The following INPP5B variants were observed in gnomAD, a reference collection of about 807,000 sequenced individuals.
INPP5B encodes inositol polyphosphate-5-phosphatase B.
A neutral mutation model predicts 118.5 loss-of-function variants in INPP5B; 90 were observed. The observed-to-expected ratio is 0.76, with a 90% CI of 0.64 to 0.90. INPP5B has a LOEUF of 0.90. Ranked by LOEUF, INPP5B falls within the 40% of genes least tolerant of loss-of-function variation. INPP5B has a pLI of 0.00. For synonymous variants in INPP5B, 385 were observed against 418.9 expected, an observed-to-expected ratio of 0.92 and a Z score of 0.99; for missense variants, 984 against 1,125.6, an observed-to-expected ratio of 0.87 and a Z score of 1.80.
At chr1:37,895,685 G>A (rs1161846872) in intron 7 of INPP5B, among the ~76,000 whole-genome samples, 2 of 152,206 alleles carry the variant, frequency 1.3e-5, no homozygotes, top group South Asian at 2.1e-4. Flanking sequence ...ACTGGTTTTC[G>A]TATTTTTTTG....
In INPP5B at chr1:37,862,342, A is replaced by G. The variant is rs549738060; in HGVS notation, c.2715T>C (p.Ile905=). 1.2e-6 allele frequency: 2 copies of G among 1,613,902 alleles called. No individual in the cohort carries two copies. The highest frequency in any genetic ancestry group is 2.7e-5 in the African/African-American group (2 of 75,050). ...MTEKKKAQEF[I]HQFLCNPL is the part of the protein sequence containing the mutation. ...AGAGTGGGTTGCAGAGGAACTGGTG[A>G]ATAAATTCTTGAGCCTTCTTCTTCT... Residue 905 remains isoleucine (I), a synonymous_variant, in exon 24 of 24, where the codon ATT becomes ATC. Transcript: ENST00000373024.
Position 37,943,687 on chromosome 1 carries a change from A to G in INPP5B, c.251-18T>C, listed in dbSNP as rs375512550. ...TGGGGACACTGTGGGGAGGGAAATG[A>G]GAATGCCCTTAGCAATTGAGCTTAC... On this transcript the variant is annotated intron_variant, in intron 4 of 23. Transcript: ENST00000373024. The G allele has an allele frequency of 3.1e-6, 5 of 1,614,022 alleles. No homozygotes were observed. The South Asian group carries it at 5.5e-5, about 18-fold the overall frequency.
intron 7 of INPP5B, among the ~76,000 whole-genome samples, chr1:37,925,111 C>T (rs1460343202): frequency 6.6e-6 from 1 of 151,998 alleles, no homozygotes; most frequent in African/African-American, 2.4e-5. Context: ...GAGGTGGAGG[C>T]TGCAGTGAGC....
intron 5 of INPP5B, among the ~76,000 whole-genome samples, chr1:37,942,833 T>C (rs1393991766): frequency 6.9e-6 from 1 of 144,696 alleles, no homozygotes; most frequent in East Asian, 2.2e-4. Context: ...CACTTGAACC[T>C]GGGAGGCGGA....
intron 6 of INPP5B, among the ~76,000 whole-genome samples, chr1:37,938,326 A>T (rs545780058): frequency 9.2e-4 from 139 of 151,646 alleles, no homozygotes; most frequent in African/African-American, 3.0e-3. Flanking sequence ...AATTTAAAAA[A>T]TTTTTTTAAA....
At chr1:37,876,683 C>A (rs971774327) in intron 16 of INPP5B, among the ~76,000 whole-genome samples, 1 of 143,036 alleles carries the variant, frequency 7.0e-6, no homozygotes, top group Admixed American at 7.1e-5. Context: ...CACGGTGAAA[C>A]CCCGTCTCTA....
chr1:37,927,105 G>C (rs987533703), intron 7 of INPP5B, among the ~76,000 whole-genome samples: 3 of 152,166 alleles, frequency 2.0e-5, no homozygotes, highest in African/African-American at 7.2e-5. Flanking sequence ...TGGCCAACAA[G>C]GTGAAACACC....
intron 7 of INPP5B, among the ~76,000 whole-genome samples, chr1:37,903,905 TA>T (rs552323559): frequency 8.6e-4 from 131 of 152,308 alleles, no homozygotes; most frequent in Non-Finnish European, 1.7e-3. Context: ...TTAAATAAAA[TA>T]TTTTTTGTCA....
At chr1:37,878,403 G>A in intron 15 of INPP5B, 80 bp from the exon 16 acceptor site, 2 of 1,570,396 alleles carry the variant, frequency 1.3e-6, no homozygotes, top group African/African-American at 1.3e-5. Context: ...GCTCAGGTGG[G>A]GAGTGATGAA....
chr1:37,921,878 G>A (rs1388962382), intron 7 of INPP5B, among the ~76,000 whole-genome samples: 3 of 151,898 alleles, frequency 2.0e-5, no homozygotes, highest in Admixed American at 2.0e-4. Flanking sequence ...GTGGTGGCGG[G>A]CACCTGTAAC....
At chr1:37,929,637 T>C (rs772615228) in intron 7 of INPP5B, 1 of 152,078 alleles carries the variant, frequency 6.6e-6, no homozygotes, top group Non-Finnish European at 1.5e-5. Flanking sequence ...ATGACCCAAA[T>C]AGAACTGAGG....
chr1:37,873,224 GA>G (rs1642578347), intron 18 of INPP5B, 59 bp from the exon 19 acceptor site: 1 of 1,210,400 alleles, frequency 8.3e-7, no homozygotes, highest in South Asian at 1.2e-5. Context: ...AAAGGGGAAA[GA>G]AGGCAGGAGG....
In INPP5B at chr1:37,866,385, T is replaced by TTCTCTCTC. The variant is rs57019964; in HGVS notation, c.2386+66_2386+73dup. ...CTTTTTCTCACCCCTCTCACTCATA[T>TTCTCTCTC]TCTCTCTCTCTCTCTCTCTCTCACA... On this transcript the variant is annotated intron_variant, in intron 21 of 23. Coordinates refer to ENST00000373024, the MANE Select transcript of INPP5B (RefSeq NM_005540.3). 28,409 of 599,248 alleles carry TTCTCTCTC rather than the reference T, an allele frequency of 0.047. 448 individuals carry two copies. The highest frequency in any genetic ancestry group is 0.11 in the Middle Eastern group (394 of 3,536). The allele number at this position is 599,248 out of a possible 1,614,324, so 37.1% of individuals were successfully genotyped here.
At chr1:37,937,251 C>A (rs1645732320) in intron 6 of INPP5B, among the ~76,000 whole-genome samples, 1 of 151,900 alleles carries the variant, frequency 6.6e-6, no homozygotes, top group Non-Finnish European at 1.5e-5. Context: ...GCGGAGGTTG[C>A]AGTGAGCCAA....
intron 7 of INPP5B, among the ~76,000 whole-genome samples, chr1:37,925,094 A>C (rs1039841509): frequency 2.6e-5 from 4 of 152,174 alleles, no homozygotes; most frequent in Non-Finnish European, 4.4e-5. Context: ...GAACTGCTTA[A>C]ACCCAGGAGG....
At chr1:37,916,511 G>A (rs1027427487) in intron 7 of INPP5B, among the ~76,000 whole-genome samples, 5 of 151,344 alleles carry the variant, frequency 3.3e-5, no homozygotes, top group African/African-American at 9.7e-5. Flanking sequence ...CTGCCTCCCC[G>A]GTTCAAGCGA....
chr1:37,935,830 G>C (rs1452540485), intron 6 of INPP5B, among the ~76,000 whole-genome samples: 1 of 152,022 alleles, frequency 6.6e-6, no homozygotes, highest in Non-Finnish European at 1.5e-5. Flanking sequence ...ACTTTGGAAG[G>C]CCAAGGCGGG....
intron 7 of INPP5B, among the ~76,000 whole-genome samples, chr1:37,916,831 CTTCA>C (rs1412727437): frequency 6.6e-6 from 1 of 152,120 alleles, no homozygotes; most frequent in African/African-American, 2.4e-5. Context: ...AACATTATTT[CTTCA>C]TTCAATTGCT....
chr1:37,895,141 C>G (rs866269334), intron 7 of INPP5B, among the ~76,000 whole-genome samples: 1 of 152,030 alleles, frequency 6.6e-6, no homozygotes, highest in South Asian at 2.1e-4. Flanking sequence ...GTTAGAATGA[C>G]TGAAATTTAA....
Sources: allele counts gnomAD v4.1 joint callset (sites outside exome capture counted in the v4.1 genomes callset), GRCh38; gene constraint gnomAD v4.1.1; transcripts MANE v1.5; gene names NCBI Gene and HGNC (gene_info 2026-07-23, HGNC 2026-07-21).